Variants in LRMDA observed in about 807,000 individuals in gnomAD.
The protein encoded by LRMDA is leucine-rich melanocyte differentiation-associated protein.
LRMDA carries 18 observed loss-of-function variants against 29.8 expected under a neutral mutation model. The observed-to-expected ratio is 0.60, with a 90% CI of 0.42 to 0.90. LRMDA has a LOEUF of 0.90. Among genes scored for constraint, LRMDA ranks in the 40% least tolerant of loss-of-function variants. LRMDA has a pLI of 0.00. For synonymous variants in LRMDA, 125 were observed against 109.4 expected, an observed-to-expected ratio of 1.14 and a Z score of -0.89; for missense variants, 273 against 273.9, an observed-to-expected ratio of 1.00 and a Z score of 0.02.
chr10:75,693,776 C>T (rs1842199215), intron 2 of LRMDA, among the ~76,000 whole-genome samples: 1 of 152,120 alleles, frequency 6.6e-6, no homozygotes, highest in African/African-American at 2.4e-5. Flanking sequence ...CATTTATCAA[C>T]CTGTTTTCAT....
intron 5 of LRMDA, among the ~76,000 whole-genome samples, chr10:76,214,644 G>A (rs931958177): frequency 1.3e-5 from 2 of 152,066 alleles, no homozygotes; most frequent in South Asian, 2.1e-4. Flanking sequence ...GCGCCCGGCC[G>A]CAACATCATT....
chr10:76,304,375 C>T (rs1039036415), intron 5 of LRMDA, among the ~76,000 whole-genome samples: 2 of 152,190 alleles, frequency 1.3e-5, no homozygotes, highest in African/African-American at 4.8e-5. Context: ...TTGTTCTAAA[C>T]ACCTTTTGGA....
intron 2 of LRMDA, among the ~76,000 whole-genome samples, chr10:75,983,830 T>C (rs1847215748): frequency 6.6e-6 from 1 of 152,138 alleles, no homozygotes; most frequent in South Asian, 2.1e-4. Context: ...AATTTTTGTA[T>C]TTTTAGTAGA....
At chr10:75,915,191 G>A (rs1003038267) in intron 2 of LRMDA, among the ~76,000 whole-genome samples, 10 of 136,824 alleles carry the variant, frequency 7.3e-5, no homozygotes, top group African/African-American at 2.9e-4. Flanking sequence ...AAGTGCAGTG[G>A]CATGATCGTG....
At chr10:75,469,312 G>A (rs1034498864) in intron 2 of LRMDA, among the ~76,000 whole-genome samples, 4 of 131,198 alleles carry the variant, frequency 3.0e-5, no homozygotes, top group African/African-American at 1.0e-4. Context: ...AGTCACTGGG[G>A]GAGCATCACC....
intron 2 of LRMDA, among the ~76,000 whole-genome samples, chr10:75,561,373 T>C (rs908070831): frequency 6.7e-6 from 1 of 149,578 alleles, no homozygotes; most frequent in Admixed American, 6.7e-5. Context: ...GTGGGATCAA[T>C]GGTGATATCC....
At chr10:76,013,621 G>T (rs1847823971) in intron 2 of LRMDA, among the ~76,000 whole-genome samples, 1 of 152,046 alleles carries the variant, frequency 6.6e-6, no homozygotes, top group Non-Finnish European at 1.5e-5. Context: ...CACTTACTGG[G>T]TTCATCACCA....
intron 2 of LRMDA, among the ~76,000 whole-genome samples, chr10:75,714,286 G>C (rs920319639): frequency 2.0e-5 from 3 of 152,180 alleles, no homozygotes; most frequent in Non-Finnish European, 4.4e-5. Flanking sequence ...ATGTTCAAAA[G>C]TAGATTTGTC....
chr10:75,681,195 A>G (rs908076941), intron 2 of LRMDA, among the ~76,000 whole-genome samples: 1 of 152,224 alleles, frequency 6.6e-6, no homozygotes, highest in Admixed American at 6.5e-5. Flanking sequence ...TTCAATGCAG[A>G]GAGAGCTGAA....
At chr10:76,202,740 A>C (rs1023650295) in intron 5 of LRMDA, among the ~76,000 whole-genome samples, 1 of 151,918 alleles carries the variant, frequency 6.6e-6, no homozygotes, top group African/African-American at 2.4e-5. Context: ...TAGCTCATGG[A>C]AGGGGAACTT....
At chr10:75,460,912 C>CA (rs755412935) in intron 2 of LRMDA, among the ~76,000 whole-genome samples, 11 of 152,066 alleles carry the variant, frequency 7.2e-5, no homozygotes, top group Non-Finnish European at 1.2e-4. Context: ...ATCATTATTT[C>CA]ACTGTTTTCA....
intron 5 of LRMDA, among the ~76,000 whole-genome samples, chr10:76,205,003 G>A (rs150198631): frequency 4.6e-5 from 7 of 152,226 alleles, no homozygotes; most frequent in Non-Finnish European, 1.0e-4. Flanking sequence ...GACAAATGAG[G>A]GCCCCACATA....
intron 2 of LRMDA, among the ~76,000 whole-genome samples, chr10:75,900,288 C>T (rs1392884097): frequency 2.0e-5 from 3 of 152,190 alleles, no homozygotes; most frequent in Non-Finnish European, 2.9e-5. Flanking sequence ...GGATTTCTAA[C>T]TTGGTCGTAA....
chr10:75,955,533 C>A (rs73281408), intron 2 of LRMDA, among the ~76,000 whole-genome samples: 5,889 of 152,190 alleles, frequency 0.039, 405 homozygotes, highest in African/African-American at 0.13. Context: ...AAAGAACACA[C>A]CAGACCACAT....
intron 5 of LRMDA, among the ~76,000 whole-genome samples, chr10:76,102,769 C>T (rs1849414860): frequency 6.6e-6 from 1 of 152,178 alleles, no homozygotes; most frequent in African/African-American, 2.4e-5. Flanking sequence ...TCTCCCACCT[C>T]AGCCTCCTGT....
chr10:76,183,948 C>G (rs1162339627), intron 5 of LRMDA, among the ~76,000 whole-genome samples: 1 of 152,148 alleles, frequency 6.6e-6, no homozygotes, highest in East Asian at 1.9e-4. Context: ...GTCCCAAACT[C>G]CTGGCCTCAA....
intron 2 of LRMDA, among the ~76,000 whole-genome samples, chr10:75,665,290 G>A (rs955975565): frequency 6.6e-6 from 1 of 152,224 alleles, no homozygotes. Context: ...AGAGCAGACA[G>A]GCGATTTCCC....
At chr10:75,712,020 G>A (rs1364948377) in intron 2 of LRMDA, among the ~76,000 whole-genome samples, 1 of 151,744 alleles carries the variant, frequency 6.6e-6, no homozygotes, top group East Asian at 1.9e-4. Flanking sequence ...ATTGCCCTAC[G>A]GAGTTCAGCT....
chr10:76,141,315 T>C (rs987094975), intron 5 of LRMDA, among the ~76,000 whole-genome samples: 3 of 152,086 alleles, frequency 2.0e-5, no homozygotes, highest in African/African-American at 7.2e-5. Context: ...CTATAACCCT[T>C]TTTGGCAGCA....
Sources: gnomAD v4.1 joint callset for allele counts (sites outside exome capture counted in the v4.1 genomes callset) on GRCh38, gnomAD v4.1.1 for gene constraint, MANE v1.5 for transcripts, NCBI Gene and HGNC (gene_info 2026-07-23, HGNC 2026-07-21) for gene names.